AGBL1: variants seen among roughly 807,000 people sequenced by gnomAD.
AGBL1 encodes AGBL carboxypeptidase 1.
A neutral mutation model predicts 118.9 loss-of-function variants in AGBL1; 130 were observed. The ratio of observed to expected loss-of-function variants is 1.09; its 90% confidence interval spans 0.95 to 1.26. The LOEUF (loss-of-function observed/expected upper bound fraction) is 1.26. AGBL1 is among the 50% of genes most tolerant of loss of function. The pLI, the probability that AGBL1 is intolerant of heterozygous loss-of-function variation, is 0.00. For missense variants in AGBL1, 1,584 were observed against 1,298.1 expected, an observed-to-expected ratio of 1.22 and a Z score of -3.38; for synonymous variants, 555 against 478.9, an observed-to-expected ratio of 1.16 and a Z score of -2.08.
chr15:86,147,241 G>C (rs1044915682), intron 3 of AGBL1, among the ~76,000 whole-genome samples: 1 of 152,126 alleles, frequency 6.6e-6, no homozygotes, highest in Non-Finnish European at 1.5e-5. Context: ...GAGGTACCGG[G>C]TTCATCTCAC....
chr15:87,003,338 A>T (rs2081460999), intron 24 of AGBL1, among the ~76,000 whole-genome samples: 1 of 151,336 alleles, frequency 6.6e-6, no homozygotes, highest in Non-Finnish European at 1.5e-5. Flanking sequence ...CCACTTGATC[A>T]TGGTGGATAA....
intron 24 of AGBL1, among the ~76,000 whole-genome samples, chr15:87,020,528 A>T (rs927170366): frequency 1.6e-4 from 24 of 152,068 alleles, no homozygotes; most frequent in African/African-American, 5.3e-4. Context: ...AAAGAAATAA[A>T]GGGTATTTAA....
At chr15:86,294,970 G>A (rs528449886) in intron 16 of AGBL1, among the ~76,000 whole-genome samples, 6 of 152,190 alleles carry the variant, frequency 3.9e-5, no homozygotes, top group Non-Finnish European at 5.9e-5. Context: ...GCGATAGGAA[G>A]AGGGCTTTAT....
chr15:86,735,345 T>C (rs558457442), intron 22 of AGBL1, among the ~76,000 whole-genome samples: 1 of 152,242 alleles, frequency 6.6e-6, no homozygotes, highest in South Asian at 2.1e-4. Context: ...CCTCCCAAAG[T>C]GCTGGGATTA....
intron 23 of AGBL1, among the ~76,000 whole-genome samples, chr15:86,949,984 T>C (rs1381083711): frequency 6.6e-6 from 1 of 151,788 alleles, no homozygotes; most frequent in Non-Finnish European, 1.5e-5. Context: ...AAGCTATAAA[T>C]CAATAACAAA....
At position 86,503,245 on chromosome 15, in the gene AGBL1, G is replaced by A. The variant is rs182370183; in HGVS notation, c.2556-19565G>A. Among the ~76,000 whole-genome samples the A allele has an allele frequency of 1.2e-3, 189 of 151,414 alleles. 1 individual carries two copies. Among genetic ancestry groups the A allele is most frequent in the Admixed American group, 9.2e-3 (140 of 15,168 alleles). On this transcript the variant is annotated intron_variant, in intron 18 of 22. Coordinates refer to ENST00000614907, the MANE Select transcript of AGBL1 (RefSeq NM_001386094.1). ...CTTATTTGTTGGCATGAAATTATTC[G>A]TAGTATTTCTTTACAGCCTCAGTAA...
chr15:86,870,106 T>C (rs777737434), intron 22 of AGBL1, among the ~76,000 whole-genome samples: 1 of 152,190 alleles, frequency 6.6e-6, no homozygotes, highest in African/African-American at 2.4e-5. Context: ...ATAACCTTGA[T>C]TAGAAGAGAT....
chr15:86,729,589 T>C (rs1323030259), intron 22 of AGBL1, among the ~76,000 whole-genome samples: 2 of 152,230 alleles, frequency 1.3e-5, no homozygotes, highest in Non-Finnish European at 2.9e-5. Flanking sequence ...GTATCCATAT[T>C]GCTGCAGTGG....
At chr15:86,171,728 G>C (rs2077418604) in intron 5 of AGBL1, among the ~76,000 whole-genome samples, 1 of 152,062 alleles carries the variant, frequency 6.6e-6, no homozygotes, top group South Asian at 2.1e-4. Context: ...TGATAAACAA[G>C]TTACTCAATT....
intron 18 of AGBL1, among the ~76,000 whole-genome samples, chr15:86,443,892 G>A (rs2082092534): frequency 6.6e-6 from 1 of 152,036 alleles, no homozygotes; most frequent in Admixed American, 6.6e-5. Flanking sequence ...CTTAGCTATT[G>A]TGACTAGTGC....
intron 17 of AGBL1, among the ~76,000 whole-genome samples, chr15:86,324,702 A>C (rs568008695): frequency 2.9e-3 from 446 of 152,324 alleles, no homozygotes; most frequent in Non-Finnish European, 5.1e-3. Context: ...TAACAAAAAA[A>C]GTGGGTGGTA....
chr15:86,756,509 G>A (rs1401242964), intron 22 of AGBL1, among the ~76,000 whole-genome samples: 1 of 149,816 alleles, frequency 6.7e-6, no homozygotes, highest in African/African-American at 2.5e-5. Context: ...GTTTTAAGAA[G>A]GGAAGGGCAG....
At chr15:86,658,079 G>A (rs2085488948) in intron 21 of AGBL1, among the ~76,000 whole-genome samples, 2 of 151,922 alleles carry the variant, frequency 1.3e-5, no homozygotes, top group Non-Finnish European at 2.9e-5. Context: ...GTATGTATGT[G>A]TGTATATATT....
chr15:86,248,944 G>C (rs990268739), intron 7 of AGBL1, among the ~76,000 whole-genome samples: 6 of 152,250 alleles, frequency 3.9e-5, no homozygotes, highest in Middle Eastern at 3.4e-3. Flanking sequence ...TGGTCATGCT[G>C]GTCAGGCCAA....
chr15:86,147,479 G>T (rs946778476), intron 3 of AGBL1, among the ~76,000 whole-genome samples: 1 of 152,218 alleles, frequency 6.6e-6, no homozygotes, highest in Non-Finnish European at 1.5e-5. Context: ...GGCTTGGCAG[G>T]TCCCACACCC....
chr15:86,686,876 A>G (rs1596369810), intron 22 of AGBL1, among the ~76,000 whole-genome samples: 1 of 152,162 alleles, frequency 6.6e-6, no homozygotes, highest in East Asian at 1.9e-4. Flanking sequence ...AAGCCCACAC[A>G]GCTAGTTTAA....
chr15:86,438,078 G>C (rs1364417214), intron 18 of AGBL1, among the ~76,000 whole-genome samples: 1 of 151,872 alleles, frequency 6.6e-6, no homozygotes, highest in Non-Finnish European at 1.5e-5. Flanking sequence ...ACTAATTTTT[G>C]TATTTTTTTA....
At chr15:86,838,664 G>T (rs1238949837) in intron 22 of AGBL1, among the ~76,000 whole-genome samples, 1 of 151,956 alleles carries the variant, frequency 6.6e-6, no homozygotes, top group Non-Finnish European at 1.5e-5. Context: ...CAGCAGCCAG[G>T]CATGGTAGCT....
intron 3 of AGBL1, among the ~76,000 whole-genome samples, chr15:86,144,653 G>T (rs1156493336): frequency 2.0e-5 from 3 of 151,990 alleles, no homozygotes; most frequent in African/African-American, 7.3e-5. Flanking sequence ...CACACACTTG[G>T]GCCTGTCAGA....
Sources: allele counts gnomAD v4.1 joint callset (sites outside exome capture counted in the v4.1 genomes callset), GRCh38; gene constraint gnomAD v4.1.1; transcripts MANE v1.5; gene names NCBI Gene and HGNC (gene_info 2026-07-23, HGNC 2026-07-21).